ASIC2: variants seen among roughly 807,000 people sequenced by gnomAD.
The protein encoded by ASIC2 is acid sensing ion channel subunit 2, also known as acid-sensing ion channel 2.
A neutral mutation model predicts 57.3 loss-of-function variants in ASIC2; 25 were observed. That is an observed-to-expected ratio of 0.44 (90% confidence interval 0.32 to 0.61). The LOEUF (loss-of-function observed/expected upper bound fraction) is 0.61. Among genes scored for constraint, ASIC2 ranks in the 20% least tolerant of loss-of-function variants. The pLI is 0.06. For synonymous variants in ASIC2, 319 were observed against 307.5 expected, an observed-to-expected ratio of 1.04 and a Z score of -0.39; for missense variants, 641 against 738.1, an observed-to-expected ratio of 0.87 and a Z score of 1.52.
At chr17:33,734,223 C>T (rs764834453) in intron 1 of ASIC2, among the ~76,000 whole-genome samples, 9 of 151,794 alleles carry the variant, frequency 5.9e-5, no homozygotes, top group South Asian at 2.1e-4. Context: ...CCCATGCTCC[C>T]GTCCAAGACT....
intron 1 of ASIC2, among the ~76,000 whole-genome samples, chr17:34,112,818 C>T (rs992351360): frequency 6.6e-6 from 1 of 152,154 alleles, no homozygotes; most frequent in African/African-American, 2.4e-5. Context: ...TCTCTAGCTT[C>T]AATATTGCTA....
intron 1 of ASIC2, among the ~76,000 whole-genome samples, chr17:33,281,755 T>C (rs772549575): frequency 1.3e-5 from 2 of 152,234 alleles, no homozygotes; most frequent in African/African-American, 2.4e-5. Context: ...TTGCCTTGAA[T>C]GGCTGGGTGA....
At chr17:33,512,450 G>A (rs897523714) in intron 1 of ASIC2, among the ~76,000 whole-genome samples, 4 of 152,208 alleles carry the variant, frequency 2.6e-5, no homozygotes, top group African/African-American at 9.7e-5. Context: ...ACTGAGAGGA[G>A]AACACTTCTT....
At chr17:33,819,953 G>A (rs909759669) in intron 1 of ASIC2, among the ~76,000 whole-genome samples, 1 of 152,112 alleles carries the variant, frequency 6.6e-6, no homozygotes. Context: ...CTCAGGCTTC[G>A]GTCTCCTGCC....
intron 1 of ASIC2, among the ~76,000 whole-genome samples, chr17:33,966,491 C>T (rs868844907): frequency 4.6e-5 from 7 of 152,142 alleles, no homozygotes; most frequent in South Asian, 4.2e-4. Context: ...ATATCCGAAC[C>T]GCCATAAAAA....
intron 1 of ASIC2, among the ~76,000 whole-genome samples, chr17:33,941,356 G>A (rs978491048): frequency 6.6e-6 from 1 of 152,234 alleles, no homozygotes; most frequent in Non-Finnish European, 1.5e-5. Context: ...TGAACCCAGA[G>A]TGGTGGCAAA....
intron 3 of ASIC2, among the ~76,000 whole-genome samples, chr17:33,061,343 C>G (rs1158232385): frequency 6.6e-6 from 1 of 152,096 alleles, no homozygotes. Flanking sequence ...TGCATCAATA[C>G]CTAATTTATT....
chr17:33,799,250 C>T (rs1211977720), intron 1 of ASIC2, among the ~76,000 whole-genome samples: 1 of 151,588 alleles, frequency 6.6e-6, no homozygotes, highest in African/African-American at 2.4e-5. Context: ...CCTTCCTTCC[C>T]TTCCTTCCAT....
At chr17:33,232,456 T>C (rs889912977) in intron 1 of ASIC2, among the ~76,000 whole-genome samples, 1 of 141,730 alleles carries the variant, frequency 7.1e-6, no homozygotes, top group South Asian at 2.3e-4. Context: ...AATGGTATGG[T>C]ATGGTATGGT....
chr17:33,167,371 T>G (rs319774), intron 1 of ASIC2, among the ~76,000 whole-genome samples: 15,089 of 152,208 alleles, frequency 0.099, 780 homozygotes, highest in Non-Finnish European at 0.11. Context: ...GCCCCTACAG[T>G]GACTTCCAGT....
At chr17:33,460,564 C>A (rs1365387466) in intron 1 of ASIC2, among the ~76,000 whole-genome samples, 2 of 152,174 alleles carry the variant, frequency 1.3e-5, no homozygotes, top group African/African-American at 4.8e-5. Context: ...ATAATCCTAT[C>A]CACCACAGAA....
At chr17:33,777,960 T>C (rs990722546) in intron 1 of ASIC2, among the ~76,000 whole-genome samples, 2 of 152,142 alleles carry the variant, frequency 1.3e-5, no homozygotes, top group Non-Finnish European at 2.9e-5. Flanking sequence ...TTTCCTTATT[T>C]CCACGATGGG....
At chr17:33,845,212 A>G (rs1488329125) in intron 1 of ASIC2, among the ~76,000 whole-genome samples, 1 of 152,236 alleles carries the variant, frequency 6.6e-6, no homozygotes, top group African/African-American at 2.4e-5. Context: ...CTATCATTTG[A>G]TTGATATCCA....
intron 1 of ASIC2, among the ~76,000 whole-genome samples, chr17:34,072,752 C>T (rs1037324936): frequency 1.3e-5 from 2 of 152,192 alleles, no homozygotes; most frequent in Non-Finnish European, 2.9e-5. Context: ...TTCTCTCAGG[C>T]ATTTTTATAT....
chr17:33,493,907 C>T (rs1043158576), intron 1 of ASIC2, among the ~76,000 whole-genome samples: 11 of 152,226 alleles, frequency 7.2e-5, no homozygotes, highest in African/African-American at 2.7e-4. Context: ...GTACCCTATA[C>T]AATGCTGTTC....
At chr17:33,091,974 G>GA (rs1265376797) in intron 2 of ASIC2, among the ~76,000 whole-genome samples, 1 of 152,180 alleles carries the variant, frequency 6.6e-6, no homozygotes, top group African/African-American at 2.4e-5. Context: ...GTGGCTAGTG[G>GA]AAACATTGCT....
chr17:33,059,467 T>C (rs2092011974), intron 3 of ASIC2, among the ~76,000 whole-genome samples: 1 of 152,228 alleles, frequency 6.6e-6, no homozygotes, highest in South Asian at 2.1e-4. Flanking sequence ...GCTTCATCCA[T>C]GTCCCCACAA....
intron 2 of ASIC2, among the ~76,000 whole-genome samples, chr17:33,102,228 T>G (rs1226109734): frequency 6.6e-6 from 1 of 152,246 alleles, no homozygotes; most frequent in Non-Finnish European, 1.5e-5. Context: ...ACACTTCATT[T>G]GTAGTTTGCT....
intron 1 of ASIC2, among the ~76,000 whole-genome samples, chr17:33,281,536 T>G (rs1904949660): frequency 6.6e-6 from 1 of 152,228 alleles, no homozygotes; most frequent in Non-Finnish European, 1.5e-5. Flanking sequence ...GATTAACATA[T>G]GATTTTTAAG....
Sources: allele counts gnomAD v4.1 joint callset (sites outside exome capture counted in the v4.1 genomes callset), GRCh38; gene constraint gnomAD v4.1.1; transcripts MANE v1.5; gene names NCBI Gene and HGNC (gene_info 2026-07-23, HGNC 2026-07-21).